TOM1L2: variants seen among roughly 807,000 people sequenced by gnomAD.
The protein encoded by TOM1L2 is TOM1-like protein 2.
Under a neutral mutation model 67.9 loss-of-function variants are expected in TOM1L2, and 31 were observed. That is an observed-to-expected ratio of 0.46 (90% CI 0.34 to 0.62). TOM1L2 has a LOEUF of 0.62. Ranked by LOEUF, TOM1L2 falls within the 20% of genes least tolerant of loss-of-function variation. The probability of loss-of-function intolerance (pLI) is 0.01; values close to 1 mark genes in which losing one functional copy is unlikely to be tolerated. For missense variants in TOM1L2, 606 were observed against 663.5 expected, an observed-to-expected ratio of 0.91 and a Z score of 0.95; for synonymous variants, 256 against 254.0, an observed-to-expected ratio of 1.01 and a Z score of -0.07.
At chr17:17,856,102 C>T (rs1014070954) in intron 12 of TOM1L2, among the ~76,000 whole-genome samples, 12 of 152,214 alleles carry the variant, frequency 7.9e-5, no homozygotes, top group African/African-American at 2.9e-4. Context: ...CAGAGACAGG[C>T]ACCACCACCA....
At chr17:17,940,630 C>T (rs972819890) in intron 1 of TOM1L2, among the ~76,000 whole-genome samples, 4 of 152,186 alleles carry the variant, frequency 2.6e-5, no homozygotes. Context: ...AAGAAAAGCA[C>T]TCAAGACCCT....
chr17:17,876,709 T>C (rs2037441027), intron 7 of TOM1L2, among the ~76,000 whole-genome samples: 1 of 152,190 alleles, frequency 6.6e-6, no homozygotes, highest in African/African-American at 2.4e-5. Context: ...GCTGGTGACT[T>C]ACCTGGCATC....
chr17:17,898,691 A>G lies in TOM1L2; in HGVS notation c.138-17T>C, dbSNP rs766358379. The G allele has an allele frequency of 6.2e-6, 10 of 1,614,082 alleles. No individual in the cohort carries two copies. The South Asian group carries it at 8.8e-5, about 14-fold the overall frequency. ...TCCTTTGGCCTGGAAAAAAGAACAGACATATAAAGATACTTACAATCCCAC... is the reference window on the plus strand; with the variant it reads ...TCCTTTGGCCTGGAAAAAAGAACAGGCATATAAAGATACTTACAATCCCAC... On this transcript the variant is annotated splice_polypyrimidine_tract_variant and intron_variant, in intron 2 of 14. Coordinates refer to ENST00000379504, the MANE Select transcript of TOM1L2 (RefSeq NM_001082968.2).
rs573613920 is a variant in TOM1L2 at position 17,848,697 on chromosome 17, A to G, written c.1375+126T>C. The G allele has an allele frequency of 2.0e-5, 21 of 1,047,062 alleles. No individual in the cohort carries two copies. In the East Asian group the frequency reaches 2.6e-4, roughly 13 times the overall value. The allele number at this position is 1,047,062 out of a possible 1,614,324, so 64.9% of individuals were successfully genotyped here. The stretch of plus-strand genomic sequence containing the variant: ...TGGGACAAAGCCACCCGTGAAGCCC[A>G]TGGCTCAGGGCCTGGCACCAGTAGG... On this transcript the variant is annotated intron_variant, in intron 14 of 14. Transcript: ENST00000379504.
Position 17,879,646 on chromosome 17 carries a change from G to A in TOM1L2, c.758C>T (p.Ser253Phe). 6.2e-7 allele frequency: 1 copy of A among 1,614,118 alleles called. No individual in the cohort carries two copies. The highest frequency in any genetic ancestry group is 1.1e-5 in the South Asian group (1 of 91,088). Residue 253 changes from serine to phenylalanine, a missense_variant, in exon 7 of 15, where the codon TCT (serine) becomes TTT (phenylalanine). Around this residue, in one of 2 missense-constraint regions of TOM1L2, gnomAD observed 543 missense variants for 554.0 expected, o/e 0.98. Transcript: ENST00000379504. ...TEMVPGQEDSSDLELLQELNR... is the reference protein window; with the variant it reads ...TEMVPGQEDSFDLELLQELNR... ...ACTCACCTGCAGCAACTCCAGATCA[G>A]ATGAATCCTCCTGTCCAGGGACCAT...
intron 2 of TOM1L2, among the ~76,000 whole-genome samples, chr17:17,901,987 G>T (rs1003621923): frequency 2.6e-5 from 4 of 152,162 alleles, no homozygotes; most frequent in Non-Finnish European, 5.9e-5. Flanking sequence ...GACCAGCCTG[G>T]CCAACATGGT....
At chr17:17,967,432 T>C (rs1355669288) in intron 1 of TOM1L2, among the ~76,000 whole-genome samples, 1 of 152,272 alleles carries the variant, frequency 6.6e-6, no homozygotes, top group Non-Finnish European at 1.5e-5. Flanking sequence ...ACAATGGACC[T>C]GACTTGGGGA....
chr17:17,915,369 T>C (rs1312025801), intron 1 of TOM1L2, among the ~76,000 whole-genome samples: 1 of 152,226 alleles, frequency 6.6e-6, no homozygotes, highest in Admixed American at 6.5e-5. Context: ...GATCCTGGCT[T>C]ACCAGGTGTG....
chr17:17,944,602 T>TA (rs1432090157), intron 1 of TOM1L2, among the ~76,000 whole-genome samples: 1 of 152,170 alleles, frequency 6.6e-6, no homozygotes, highest in Non-Finnish European at 1.5e-5. Flanking sequence ...TATTTGGAGT[T>TA]ATTCTCCCCA....
chr17:17,910,635 T>A (rs2039304624), intron 1 of TOM1L2, among the ~76,000 whole-genome samples: 1 of 151,792 alleles, frequency 6.6e-6, no homozygotes, highest in African/African-American at 2.4e-5. Flanking sequence ...AATGGTGTGA[T>A]CTCGGCTCAC....
At chr17:17,922,730 GA>G (rs1473297963) in intron 1 of TOM1L2, among the ~76,000 whole-genome samples, 1 of 152,208 alleles carries the variant, frequency 6.6e-6, no homozygotes, top group African/African-American at 2.4e-5. Context: ...AGGGAACCTG[GA>G]ACATAGTGAG....
chr17:17,851,306 G>C, intron 12 of TOM1L2: 1 of 348,838 alleles, frequency 2.9e-6, no homozygotes, highest in South Asian at 2.4e-5. Context: ...CTAACTTCAG[G>C]AAGGCGCTGC....
chr17:17,895,806 A>C (rs1489534511), intron 3 of TOM1L2, among the ~76,000 whole-genome samples: 1 of 152,206 alleles, frequency 6.6e-6, no homozygotes, highest in Non-Finnish European at 1.5e-5. Context: ...TGGTCCTTGA[A>C]ATAACCCTGT....
At chr17:17,903,763 G>A (rs1288720285) in intron 2 of TOM1L2, among the ~76,000 whole-genome samples, 1 of 152,010 alleles carries the variant, frequency 6.6e-6, no homozygotes, top group Non-Finnish European at 1.5e-5. Context: ...AGTACAACAC[G>A]GGTTATGAAA....
At chr17:17,963,526 T>C (rs910256784) in intron 1 of TOM1L2, among the ~76,000 whole-genome samples, 1 of 152,188 alleles carries the variant, frequency 6.6e-6, no homozygotes, top group African/African-American at 2.4e-5. Flanking sequence ...AGTCTCTATT[T>C]CTTCACCTGT....
intron 6 of TOM1L2, 44 bp downstream of exon 6, chr17:17,882,661 G>A (rs1429807711): frequency 1.0e-5 from 16 of 1,603,052 alleles, no homozygotes; most frequent in Non-Finnish European, 1.4e-5. Flanking sequence ...AGATGAAAAA[G>A]GATAGTCAGC....
At chr17:17,968,897 G>A (rs1330957240) in intron 1 of TOM1L2, among the ~76,000 whole-genome samples, 6 of 151,980 alleles carry the variant, frequency 3.9e-5, no homozygotes, top group African/African-American at 1.4e-4. Flanking sequence ...ACAGCCCTCA[G>A]ACTCAAAGAA....
At position 17,972,341 on chromosome 17, in the gene TOM1L2, G is replaced by A. The variant is rs911618590; in HGVS notation, c.-28C>T. On this transcript the variant is annotated 5_prime_UTR_variant, in exon 1 of 15. Transcript: ENST00000379504. Reference sequence around the variant, plus strand: ...TGGGTGGACAACACGCAGCGGCCCGGGCCCCCTGTCTGCCACCTAGGCCTC... The same window carrying A: ...TGGGTGGACAACACGCAGCGGCCCGAGCCCCCTGTCTGCCACCTAGGCCTC... 4.5e-6 allele frequency: 7 copies of A among 1,549,060 alleles called. No individual in the cohort carries two copies. The highest frequency in any genetic ancestry group is 3.9e-5 in the Admixed American group (2 of 51,002).
intron 6 of TOM1L2, among the ~76,000 whole-genome samples, chr17:17,882,466 G>A (rs2037774558): frequency 6.6e-6 from 1 of 152,178 alleles, no homozygotes; most frequent in South Asian, 2.1e-4. Flanking sequence ...GTGCCTCCCA[G>A]GCACCACTCA....
Sources: allele counts gnomAD v4.1 joint callset (sites outside exome capture counted in the v4.1 genomes callset), GRCh38; gene constraint gnomAD v4.1.1; regional missense constraint gnomAD v4.1.1; transcripts MANE v1.5; gene names NCBI Gene and HGNC (gene_info 2026-07-23, HGNC 2026-07-21).